The following THADA variants were observed in gnomAD, a reference collection of about 807,000 sequenced individuals.
The protein encoded by THADA is THADA armadillo repeat containing, also known as tRNA (32-2'-O)-methyltransferase regulator THADA.
In THADA, 213 loss-of-function variants were observed where a neutral mutation model predicts 219.8. That is an observed-to-expected ratio of 0.97 (90% CI 0.87 to 1.09). The LOEUF is 1.09. Ranked by LOEUF, THADA falls within the 50% of genes least tolerant of loss-of-function variation. The pLI is 0.00. For missense variants in THADA, 2,956 were observed against 2,311.3 expected, an observed-to-expected ratio of 1.28 and a Z score of -5.72; for synonymous variants, 1,018 against 828.9, an observed-to-expected ratio of 1.23 and a Z score of -3.92.
chr2:43,465,507 C>T lies in THADA; in HGVS notation c.3836+19727G>A, dbSNP rs559505982. On this transcript the variant is annotated intron_variant, in intron 26 of 37. Coordinates refer to ENST00000405975, the MANE Select transcript of THADA (RefSeq NM_022065.5). ...AGGAAGAGCCCACAAAGTAGATTTTCTGCATGGGTGGATTCAGACACTTTC... is the reference window on the plus strand; with the variant it reads ...AGGAAGAGCCCACAAAGTAGATTTTTTGCATGGGTGGATTCAGACACTTTC... Among the ~76,000 whole-genome samples the T allele has an allele frequency of 7.9e-5, 12 of 152,270 alleles. No homozygotes were observed. In the South Asian group the frequency reaches 2.5e-3, roughly 32 times the overall value.
chr2:43,591,954 G>C lies in THADA; in HGVS notation c.169C>G (p.Gln57Glu). 3.9e-6 allele frequency: 6 copies of C among 1,533,792 alleles called. No individual in the cohort carries two copies. The highest frequency in any genetic ancestry group is 5.3e-6 in the Non-Finnish European group (6 of 1,136,992). Reference protein sequence around the residue: ...DGVSQIHYIKQIVPLLEKADK... With the variant: ...DGVSQIHYIKEIVPLLEKADK... ...CATGAATATCAATTCAGACTTACCT[G>C]TTTAATATAATGGATTTGTGACACT... is the stretch of plus-strand genomic sequence containing the variant. The change falls in exon 3 of 38, where the codon CAG becomes GAG. Residue 57 changes from glutamine to glutamate, a missense_variant and splice_region_variant. By Grantham distance (29) the Gln-to-Glu change is conservative. Coordinates refer to ENST00000405975, the MANE Select transcript of THADA (RefSeq NM_022065.5).
In THADA at chr2:43,352,847, C is replaced by T. The variant is rs143006494; in HGVS notation, c.4228-8610G>A. On this transcript the variant is annotated intron_variant, in intron 29 of 37. Coordinates refer to ENST00000405975, the MANE Select transcript of THADA (RefSeq NM_022065.5). ...TAGATCTTTCAACTTGTTCATCCCG[C>T]GTAATTGCTACTTTGTATCCTTTGA... is the stretch of plus-strand genomic sequence containing the variant. Among the ~76,000 whole-genome samples, 24 of 152,248 alleles carry T rather than the reference C, an allele frequency of 1.6e-4. 1 individual carries two copies. In the East Asian group the frequency reaches 3.7e-3, roughly 23 times the overall value.
Position 43,581,752 on chromosome 2 carries a change from A to G in THADA, c.710T>C (p.Val237Ala). Residue 237 changes from valine (V) to alanine (A), a missense_variant, in exon 8 of 38, where the codon GTT (valine) becomes GCT (alanine). Val to Ala is a moderately conservative substitution (Grantham distance 64). Transcript: ENST00000405975. ...MCGLLSIFTK[V>A]LSDDDLLQTV... ...TTTGTTACACTTACCATCGCTTAAAACCTTGGTAAAAATACTCAGCAATCC... is the reference window on the plus strand; with the variant it reads ...TTTGTTACACTTACCATCGCTTAAAGCCTTGGTAAAAATACTCAGCAATCC... The G allele has an allele frequency of 6.2e-7, 1 of 1,610,240 alleles. No individual in the cohort carries two copies. The highest frequency in any genetic ancestry group is 8.5e-7 in the Non-Finnish European group (1 of 1,179,126).
At chr2:43,331,946 C>CACACACACACACACACACAT (rs1201619788) in intron 30 of THADA, among the ~76,000 whole-genome samples, 1 of 151,948 alleles carries the variant, frequency 6.6e-6, no homozygotes, top group African/African-American at 2.4e-5. Flanking sequence ...CACACACACA[C>CACACACACACACACACACAT]ATTAGGTTCC....
intron 22 of THADA, among the ~76,000 whole-genome samples, chr2:43,513,747 G>C (rs1046134990): frequency 1.3e-5 from 2 of 151,968 alleles, no homozygotes; most frequent in African/African-American, 2.4e-5. Context: ...TCAAAATATA[G>C]AAATAAATTT....
At chr2:43,320,674 G>A in intron 30 of THADA, 134 bp from the exon 31 acceptor site, 1 of 581,920 alleles carries the variant, frequency 1.7e-6, no homozygotes, top group Non-Finnish European at 2.9e-6. Flanking sequence ...AAGAAATGAT[G>A]TACAATCATT....
At position 43,270,947 on chromosome 2, in the gene THADA, G is replaced by A. The variant is rs140253173; in HGVS notation, c.5296+8818C>T. Among the ~76,000 whole-genome samples, 306 of 152,290 alleles carry A rather than the reference G, an allele frequency of 2.0e-3. 1 individual carries two copies. The highest frequency in any genetic ancestry group is 6.9e-3 in the African/African-American group (288 of 41,566). On this transcript the variant is annotated intron_variant, in intron 36 of 37. Coordinates refer to ENST00000405975, the MANE Select transcript of THADA (RefSeq NM_022065.5). ...TCAAAGGGGATAAAATGAAACAGGA[G>A]CATCAAGAGGGAGGTGATGAGGTTC...
At chr2:43,235,192 C>G (rs1667893252) in intron 36 of THADA, among the ~76,000 whole-genome samples, 1 of 152,084 alleles carries the variant, frequency 6.6e-6, no homozygotes, top group East Asian at 1.9e-4. Context: ...GTTGGCCAGG[C>G]TAGTCTTGAA....
intron 30 of THADA, among the ~76,000 whole-genome samples, chr2:43,338,253 T>C (rs1486584099): frequency 6.6e-6 from 1 of 150,432 alleles, no homozygotes; most frequent in Non-Finnish European, 1.5e-5. Context: ...ATCTCCCAGG[T>C]TCAAGCGATT....
intron 30 of THADA, among the ~76,000 whole-genome samples, chr2:43,332,240 C>T (rs1224200370): frequency 6.6e-6 from 1 of 152,180 alleles, no homozygotes; most frequent in African/African-American, 2.4e-5. Context: ...CCCATGCCAC[C>T]ATGCTAAAAA....
rs141548771 is a variant in THADA at position 43,556,377 on chromosome 2, G to A, written c.2642C>T (p.Pro881Leu). The change falls in exon 17 of 38, where the codon CCT becomes CTT. Residue 881 changes from proline to leucine, a missense_variant. Pro to Leu is a moderately conservative substitution (Grantham distance 98). Transcript: ENST00000405975. Reference protein sequence around the residue: ...QQVACDNGDRPAAVVERNTLM... With the variant: ...QQVACDNGDRLAAVVERNTLM... ...TGTGTTCCTTTCCACCACAGCAGCA[G>A]GCCTATCTCCATTATCACATGCAAC... 2.2e-5 allele frequency: 35 copies of A among 1,613,832 alleles called. No individual in the cohort carries two copies. The highest frequency in any genetic ancestry group is 2.9e-5 in the Non-Finnish European group (34 of 1,179,830).
chr2:43,425,005 A>ATC (rs1158824625), intron 28 of THADA, among the ~76,000 whole-genome samples: 2 of 152,188 alleles, frequency 1.3e-5, no homozygotes, highest in Non-Finnish European at 2.9e-5. Flanking sequence ...TAGGCTCCTC[A>ATC]TCTCTCTCAG....
intron 24 of THADA, among the ~76,000 whole-genome samples, chr2:43,504,307 C>T (rs535827253): frequency 6.6e-6 from 1 of 152,214 alleles, no homozygotes; most frequent in South Asian, 2.1e-4. Context: ...CCACTATGTG[C>T]CATATGACTA....
chr2:43,584,685 A>G (rs773575581), intron 7 of THADA, among the ~76,000 whole-genome samples: 16 of 152,236 alleles, frequency 1.1e-4, no homozygotes, highest in Non-Finnish European at 2.2e-4. Flanking sequence ...GATAACTGAC[A>G]GCAGAATCAA....
At chr2:43,345,626 T>G (rs1667553103) in intron 29 of THADA, among the ~76,000 whole-genome samples, 1 of 152,186 alleles carries the variant, frequency 6.6e-6, no homozygotes, top group Admixed American at 6.5e-5. Flanking sequence ...ATGTGGTGAC[T>G]GCCAGAGGGA....
chr2:43,289,258 C>A (rs1447882707), intron 34 of THADA, among the ~76,000 whole-genome samples: 3 of 152,202 alleles, frequency 2.0e-5, no homozygotes, highest in Non-Finnish European at 4.4e-5. Context: ...AAACTCCGTT[C>A]TTTCACTTTT....
intron 12 of THADA, among the ~76,000 whole-genome samples, chr2:43,572,219 C>T (rs1243155289): frequency 6.6e-6 from 1 of 152,140 alleles, no homozygotes; most frequent in Non-Finnish European, 1.5e-5. Flanking sequence ...CTTTCTGCTC[C>T]CACTCTGGAA....
chr2:43,454,230 ACAAG>A (rs984927860), intron 26 of THADA, among the ~76,000 whole-genome samples: 1 of 152,330 alleles, frequency 6.6e-6, no homozygotes, highest in African/African-American at 2.4e-5. Flanking sequence ...ATTAAAACAA[ACAAG>A]CAATATACAA....
intron 2 of THADA, 56 bp from the exon 3 acceptor site, chr2:43,592,102 C>G (rs1192525509): frequency 2.2e-6 from 3 of 1,392,158 alleles, no homozygotes; most frequent in African/African-American, 2.9e-5. Context: ...GTTAACTTTG[C>G]CTTTGTTGTG....
Sources: allele counts gnomAD v4.1 joint callset (sites outside exome capture counted in the v4.1 genomes callset), GRCh38; gene constraint gnomAD v4.1.1; transcripts MANE v1.5; gene names NCBI Gene and HGNC (gene_info 2026-07-23, HGNC 2026-07-21).